Variants in HMGA2 observed in about 807,000 individuals in gnomAD.
HMGA2 encodes high mobility group AT-hook 2, also known as high mobility group protein HMGI-C.
HMGA2 carries 8 observed loss-of-function variants against 19.1 expected under a neutral mutation model. The observed-to-expected ratio is 0.42, with a 90% CI of 0.25 to 0.76. The LOEUF is 0.76. Ranked by LOEUF, HMGA2 falls within the 30% of genes least tolerant of loss-of-function variation. HMGA2 has a pLI of 0.28. For missense variants in HMGA2, 109 were observed against 136.3 expected (o/e 0.80, Z 1.00); for synonymous variants, 60 against 48.8 (o/e 1.23, Z -0.96).
In HMGA2 at chr12:65,825,465, G is replaced by C; in HGVS notation, c.111+84G>C. On this transcript the variant is annotated intron_variant, in intron 1 of 4. Coordinates refer to ENST00000403681, the MANE Select transcript of HMGA2 (RefSeq NM_003483.6). This position sits in a 1 kb window ranked among gnomAD's most constrained non-coding sequence, Gnocchi z 4.4. ...GACACGCGCGGGGCGGCCGGAGTGC[G>C]GGAGCCCAGTCGCCGCGGCCGTCGC... 4.2e-6 allele frequency: 4 copies of C among 963,532 alleles called. No homozygotes were observed. The highest frequency in any genetic ancestry group is 5.6e-6 in the Non-Finnish European group (4 of 719,924). 59.7% of individuals were successfully genotyped at this position (963,532 alleles called of 1,614,324 possible). A position where few individuals can be genotyped will look rare whatever the true frequency, so the allele number is the denominator to read the frequency against.
At chr12:65,871,632 TC>T in intron 3 of HMGA2, among the ~76,000 whole-genome samples, 1 of 152,164 alleles carries the variant, frequency 6.6e-6, no homozygotes, top group African/African-American at 2.4e-5. Context: ...TATATCCCCT[TC>T]CTATGGGGAT....
At chr12:65,884,083 C>A (rs111420188) in intron 3 of HMGA2, among the ~76,000 whole-genome samples, 1,752 of 152,274 alleles carry the variant, frequency 0.012, 29 homozygotes, top group African/African-American at 0.04. Context: ...CCAGGTTGGT[C>A]TTGAACTCCT....
chr12:65,877,773 C>A (rs1219995760), intron 3 of HMGA2, among the ~76,000 whole-genome samples: 1 of 151,680 alleles, frequency 6.6e-6, no homozygotes, highest in Non-Finnish European at 1.5e-5. Context: ...GGATGACCTG[C>A]CTGGTTTTTT....
chr12:65,898,936 C>G (rs141040631), intron 3 of HMGA2, among the ~76,000 whole-genome samples: 1 of 149,828 alleles, frequency 6.7e-6, no homozygotes, highest in Admixed American at 6.7e-5. Context: ...CCCAGCTACT[C>G]GAGAGGCTGA....
At chr12:65,866,058 C>T (rs942863333) in intron 3 of HMGA2, among the ~76,000 whole-genome samples, 4 of 152,110 alleles carry the variant, frequency 2.6e-5, no homozygotes, top group African/African-American at 9.7e-5. Flanking sequence ...TCCTTTGTGT[C>T]TAAGGAGGGT....
intron 4 of HMGA2, among the ~76,000 whole-genome samples, chr12:65,962,790 A>G (rs980931538): frequency 2.6e-5 from 4 of 152,306 alleles, no homozygotes; most frequent in Admixed American, 6.5e-5. Context: ...CTCTAAAAAT[A>G]CCAGCTATTA....
chr12:65,959,050 A>C (rs937535551), intron 4 of HMGA2, among the ~76,000 whole-genome samples: 1 of 152,234 alleles, frequency 6.6e-6, no homozygotes, highest in Admixed American at 6.5e-5. Context: ...CCAGAGCTTC[A>C]GCTCTTAGCA....
intron 3 of HMGA2, among the ~76,000 whole-genome samples, chr12:65,917,883 C>A (rs1375608879): frequency 1.3e-5 from 2 of 152,216 alleles, no homozygotes; most frequent in Non-Finnish European, 2.9e-5. Context: ...TACAATTCTA[C>A]AAGCATTTAC....
intron 4 of HMGA2, chr12:65,957,049 A>G (rs568588377): frequency 2.6e-4 from 39 of 152,326 alleles, no homozygotes; most frequent in African/African-American, 8.2e-4. Context: ...AGAAATTGTT[A>G]ACTTACTGTT....
At chr12:65,927,300 C>T (rs1369029595) in intron 3 of HMGA2, among the ~76,000 whole-genome samples, 1 of 152,130 alleles carries the variant, frequency 6.6e-6, no homozygotes, top group East Asian at 1.9e-4. Context: ...CTGTGAGCTA[C>T]CATCCACGGC....
chr12:65,906,794 G>GT (rs1277079456), intron 3 of HMGA2, among the ~76,000 whole-genome samples: 1 of 152,146 alleles, frequency 6.6e-6, no homozygotes, highest in African/African-American at 2.4e-5. Flanking sequence ...AGGATTTTAA[G>GT]TTTTTTTATT....
intron 3 of HMGA2, among the ~76,000 whole-genome samples, chr12:65,925,022 C>T (rs1395168583): frequency 1.3e-5 from 2 of 152,058 alleles, no homozygotes; most frequent in Non-Finnish European, 2.9e-5. Flanking sequence ...CTTGAAAATG[C>T]CCAGAAGCTT....
intron 3 of HMGA2, among the ~76,000 whole-genome samples, chr12:65,853,090 G>A (rs537537060): frequency 2.6e-5 from 4 of 152,280 alleles, no homozygotes; most frequent in Admixed American, 2.0e-4. Flanking sequence ...AGTCTGAGGG[G>A]GAAGGTTGCC....
At chr12:65,855,421 C>T (rs1871679670) in intron 3 of HMGA2, among the ~76,000 whole-genome samples, 1 of 146,022 alleles carries the variant, frequency 6.8e-6, no homozygotes, top group South Asian at 2.2e-4. Flanking sequence ...TTTCCTTTCT[C>T]TCTCCCTCTC....
At chr12:65,959,958 C>T (rs1357683123) in intron 4 of HMGA2, among the ~76,000 whole-genome samples, 2 of 152,074 alleles carry the variant, frequency 1.3e-5, no homozygotes, top group Admixed American at 6.5e-5. Context: ...GGCACCATCT[C>T]GGCTCACTGC....
At chr12:65,863,827 T>C (rs1254684921) in intron 3 of HMGA2, among the ~76,000 whole-genome samples, 1 of 152,168 alleles carries the variant, frequency 6.6e-6, no homozygotes, top group African/African-American at 2.4e-5. Context: ...TGTTTCCAGG[T>C]AATTTGGCTT....
At chr12:65,954,277 A>G (rs1876543779) in intron 4 of HMGA2, 1 of 152,208 alleles carries the variant, frequency 6.6e-6, no homozygotes, top group Admixed American at 6.5e-5. Flanking sequence ...AAAATTCTAG[A>G]ATCCTGATTT....
At chr12:65,916,371 G>C (rs1362725009) in intron 3 of HMGA2, among the ~76,000 whole-genome samples, 1 of 152,192 alleles carries the variant, frequency 6.6e-6, no homozygotes, top group Non-Finnish European at 1.5e-5. Flanking sequence ...TGATGTACTG[G>C]ACTGCAGATA....
chr12:65,879,270 G>A (rs1188525355), intron 3 of HMGA2, among the ~76,000 whole-genome samples: 1 of 151,788 alleles, frequency 6.6e-6, no homozygotes, highest in Non-Finnish European at 1.5e-5. Flanking sequence ...TGGGACTACA[G>A]GCATGTGCCA....
Sources: gnomAD v4.1 joint callset for allele counts (sites outside exome capture counted in the v4.1 genomes callset) on GRCh38, gnomAD v4.1.1 for gene constraint, Gnocchi (gnomAD v3.1) non-coding constraint, MANE v1.5 for transcripts, NCBI Gene and HGNC (gene_info 2026-07-23, HGNC 2026-07-21) for gene names.